Variants in ZNF423 observed in about 807,000 individuals in gnomAD.
The protein encoded by ZNF423 is zinc finger protein 423, also known as Ebf-associated zinc finger protein.
Under a neutral mutation model 95.8 loss-of-function variants are expected in ZNF423, and 12 were observed. The ratio of observed to expected loss-of-function variants is 0.13; its 90% CI spans 0.08 to 0.20. The LOEUF is 0.20. Ranked by LOEUF, ZNF423 falls within the 10% of genes least tolerant of loss-of-function variation. ZNF423 has a pLI of 1.00. For synonymous variants in ZNF423, 749 were observed against 711.9 expected (o/e 1.05, Z -0.83); for missense variants, 1,316 against 1,737.1 (o/e 0.76, Z 4.31).
intron 5 of ZNF423, among the ~76,000 whole-genome samples, chr16:49,558,056 T>A (rs1355268630): frequency 6.6e-6 from 1 of 152,032 alleles, no homozygotes; most frequent in Admixed American, 6.5e-5. Flanking sequence ...CATCCTGCAG[T>A]GCTGGAGGTT....
At chr16:49,575,587 T>C (rs1970472421) in intron 5 of ZNF423, among the ~76,000 whole-genome samples, 1 of 152,172 alleles carries the variant, frequency 6.6e-6, no homozygotes, top group Middle Eastern at 3.4e-3. Context: ...TAGGAGGAAA[T>C]GAAACCAGGA....
At chr16:49,511,187 T>C (rs1368367423) in intron 7 of ZNF423, among the ~76,000 whole-genome samples, 1 of 152,220 alleles carries the variant, frequency 6.6e-6, no homozygotes, top group Non-Finnish European at 1.5e-5. Flanking sequence ...ACTGCGCCTC[T>C]GTGGTGACCA....
chr16:49,494,255 T>C (rs1215927741), intron 7 of ZNF423, among the ~76,000 whole-genome samples: 1 of 152,180 alleles, frequency 6.6e-6, no homozygotes, highest in Non-Finnish European at 1.5e-5. Context: ...GAGGTTACAC[T>C]CAAGAAAGAA....
intron 1 of ZNF423, among the ~76,000 whole-genome samples, chr16:49,818,233 T>C (rs930529266): frequency 6.6e-6 from 1 of 151,878 alleles, no homozygotes; most frequent in Non-Finnish European, 1.5e-5. Context: ...CAAAGCCATA[T>C]AAAAATACCT....
At chr16:49,558,839 T>C (rs1442545521) in intron 5 of ZNF423, among the ~76,000 whole-genome samples, 1 of 152,242 alleles carries the variant, frequency 6.6e-6, no homozygotes, top group African/African-American at 2.4e-5. Context: ...TGCCCTTTCC[T>C]GAATAGTCTT....
chr16:49,796,530 C>T (rs1034869223), intron 1 of ZNF423, among the ~76,000 whole-genome samples: 6 of 152,164 alleles, frequency 3.9e-5, no homozygotes, highest in Non-Finnish European at 7.3e-5. Flanking sequence ...AGGGCTGGGG[C>T]CCTGCTCAGG....
At position 49,726,856 on chromosome 16, in the gene ZNF423, CAAAAAAAAAA is replaced by C. The variant is rs368675702; in HGVS notation, c.301+3905_301+3914del. Among the ~76,000 whole-genome samples, 26 of 94,752 alleles carry C rather than the reference CAAAAAAAAAA, an allele frequency of 2.7e-4. No individual in the cohort carries two copies. The South Asian group carries it at 5.2e-3, about 19-fold the overall frequency. 62.2% of individuals were successfully genotyped at this position (94,752 alleles called of 152,430 possible). The stretch of plus-strand genomic sequence containing the variant: ...ATTTAAAAGACAGAGTTCCCCCTAG[CAAAAAAAAAA>C]AAAAAAAAAAAAAAAAATGGCGAAG... On this transcript the variant is annotated intron_variant, in intron 3 of 7. Transcript: ENST00000563137.
intron 3 of ZNF423, among the ~76,000 whole-genome samples, chr16:49,695,754 A>G (rs778557151): frequency 1.7e-4 from 26 of 152,216 alleles, no homozygotes; most frequent in Non-Finnish European, 3.8e-4. Flanking sequence ...TTGTTTGTTC[A>G]TAAAGCAAAA....
chr16:49,844,510 G>A (rs945626816), intron 1 of ZNF423, among the ~76,000 whole-genome samples: 3 of 152,158 alleles, frequency 2.0e-5, no homozygotes, highest in African/African-American at 4.8e-5. Context: ...ACAGAGGCTG[G>A]GGCAGCGGGA....
chr16:49,769,871 G>C (rs1412823474), intron 2 of ZNF423, among the ~76,000 whole-genome samples: 4 of 151,760 alleles, frequency 2.6e-5, no homozygotes, highest in African/African-American at 9.7e-5. Context: ...CCACAGTGGG[G>C]AACGCCTGGG....
At chr16:49,759,392 C>A (rs1347783879) in intron 2 of ZNF423, among the ~76,000 whole-genome samples, 1 of 151,438 alleles carries the variant, frequency 6.6e-6, no homozygotes, top group Non-Finnish European at 1.5e-5. Flanking sequence ...GGGCGAGACG[C>A]CACCTCAGAA....
intron 3 of ZNF423, among the ~76,000 whole-genome samples, chr16:49,727,493 C>T (rs1436171910): frequency 6.6e-6 from 1 of 151,476 alleles, no homozygotes; most frequent in Admixed American, 6.6e-5. Context: ...TCCCCCTCAA[C>T]ACCACCCCAA....
chr16:49,642,801 CT>C (rs55662710), intron 3 of ZNF423, among the ~76,000 whole-genome samples: 16,314 of 91,680 alleles, frequency 0.18, 501 homozygotes, highest in Non-Finnish European at 0.21. Flanking sequence ...GTTCTCTTTT[CT>C]TTTTTTTTTT....
chr16:49,617,934 C>A (rs1377137492), intron 5 of ZNF423, among the ~76,000 whole-genome samples: 6 of 152,210 alleles, frequency 3.9e-5, no homozygotes, highest in Non-Finnish European at 7.4e-5. Flanking sequence ...TCCTTCAGCA[C>A]CAACCACCCT....
At chr16:49,712,892 T>C (rs1168131142) in intron 3 of ZNF423, among the ~76,000 whole-genome samples, 2 of 152,256 alleles carry the variant, frequency 1.3e-5, no homozygotes, top group Non-Finnish European at 2.9e-5. Context: ...ACAAACAGAA[T>C]GACACCGTCG....
At chr16:49,731,564 G>A (rs2033168186) in intron 2 of ZNF423, among the ~76,000 whole-genome samples, 1 of 151,984 alleles carries the variant, frequency 6.6e-6, no homozygotes. Flanking sequence ...TATAATCCTA[G>A]CACTCTGAGA....
chr16:49,587,847 A>T (rs1295095973), intron 5 of ZNF423, among the ~76,000 whole-genome samples: 1 of 151,922 alleles, frequency 6.6e-6, no homozygotes, highest in East Asian at 1.9e-4. Context: ...CTTCTGGTGA[A>T]CTCTTATTCA....
At chr16:49,626,341 GACTTTCC>G in intron 4 of ZNF423, 87 bp from the exon 5 acceptor site, 1 of 1,266,990 alleles carries the variant, frequency 7.9e-7, no homozygotes, top group Non-Finnish European at 1.1e-6. Flanking sequence ...CCTGGGTCAA[GACTTTCC>G]AGAATGGTTC....
chr16:49,620,691 C>A (rs1223817874), intron 5 of ZNF423, among the ~76,000 whole-genome samples: 1 of 152,162 alleles, frequency 6.6e-6, no homozygotes, highest in Non-Finnish European at 1.5e-5. Flanking sequence ...TGCGTGAGGA[C>A]GTCCAGGGGC....
Sources: allele counts gnomAD v4.1 joint callset (sites outside exome capture counted in the v4.1 genomes callset), GRCh38; gene constraint gnomAD v4.1.1; transcripts MANE v1.5; gene names NCBI Gene and HGNC (gene_info 2026-07-23, HGNC 2026-07-21).